TRIM2: variants seen among roughly 807,000 people sequenced by gnomAD.
TRIM2 encodes tripartite motif containing 2.
Under a neutral mutation model 75.2 loss-of-function variants are expected in TRIM2, and 20 were observed. That is an observed-to-expected ratio of 0.27 (90% confidence interval 0.19 to 0.39). The LOEUF (loss-of-function observed/expected upper bound fraction) is 0.39. TRIM2 is among the 10% of genes least tolerant of loss of function. TRIM2 has a pLI of 1.00. For synonymous variants in TRIM2, 373 were observed against 388.3 expected (o/e 0.96, Z 0.46); for missense variants, 660 against 990.8 (o/e 0.67, Z 4.48).
At chr4:153,204,621 T>C in intron 1 of TRIM2, 61 bp downstream of exon 1, 4 of 1,547,500 alleles carry the variant, frequency 2.6e-6, no homozygotes, top group Non-Finnish European at 3.5e-6. Context: ...AATCCGGGGC[T>C]GGGAGAAACA....
intron 1 of TRIM2, among the ~76,000 whole-genome samples, chr4:153,177,768 TCCC>T (rs1405252879): frequency 2.7e-5 from 4 of 150,820 alleles, no homozygotes; most frequent in South Asian, 2.1e-4. Context: ...CCTCCCATCC[TCCC>T]TCCTTCCTTC....
chr4:153,270,971 A>C (rs1756534360), intron 2 of TRIM2, among the ~76,000 whole-genome samples: 1 of 152,226 alleles, frequency 6.6e-6, no homozygotes, highest in African/African-American at 2.4e-5. Context: ...CTTCAGACAC[A>C]TACTAATGTC....
chr4:153,173,938 C>A (rs921323441), intron 1 of TRIM2, among the ~76,000 whole-genome samples: 2 of 151,998 alleles, frequency 1.3e-5, no homozygotes, highest in African/African-American at 4.8e-5. Flanking sequence ...GCAGTCTATC[C>A]TGGGTGACAA....
chr4:153,236,754 C>T (rs987067224), intron 1 of TRIM2, among the ~76,000 whole-genome samples: 8 of 151,896 alleles, frequency 5.3e-5, no homozygotes, highest in Admixed American at 5.3e-4. Flanking sequence ...TGCAGTGGTA[C>T]AATCACAGCT....
intron 6 of TRIM2, among the ~76,000 whole-genome samples, chr4:153,297,675 C>G (rs1251007207): frequency 2.6e-5 from 4 of 152,122 alleles, no homozygotes; most frequent in African/African-American, 9.7e-5. Flanking sequence ...CCAAGTGACC[C>G]CAGTCTACTC....
At chr4:153,172,512 T>C (rs1442195229) in intron 1 of TRIM2, among the ~76,000 whole-genome samples, 1 of 152,128 alleles carries the variant, frequency 6.6e-6, no homozygotes, top group Non-Finnish European at 1.5e-5. Flanking sequence ...TAACTGACTC[T>C]GGAAACACTT....
intron 9 of TRIM2, among the ~76,000 whole-genome samples, chr4:153,323,516 C>G (rs1769454904): frequency 1.3e-5 from 2 of 151,926 alleles, no homozygotes; most frequent in African/African-American, 4.9e-5. Flanking sequence ...GGGTCTCGCT[C>G]TGTCACCCAG....
chr4:153,310,584 T>C (rs1766057929), intron 6 of TRIM2, among the ~76,000 whole-genome samples: 1 of 152,202 alleles, frequency 6.6e-6, no homozygotes, highest in South Asian at 2.1e-4. Flanking sequence ...GCTAGTGGTG[T>C]CCTTTTAATC....
At chr4:153,274,840 G>C (rs1296907762) in intron 2 of TRIM2, among the ~76,000 whole-genome samples, 1 of 152,206 alleles carries the variant, frequency 6.6e-6, no homozygotes, top group African/African-American at 2.4e-5. Flanking sequence ...ACATCTGCTG[G>C]ATTCAGACGT....
intron 3 of TRIM2, among the ~76,000 whole-genome samples, chr4:153,288,815 A>G (rs1048814611): frequency 1.5e-4 from 23 of 151,420 alleles, no homozygotes; most frequent in Admixed American, 9.9e-4. Flanking sequence ...TATAATCTCA[A>G]TAGGCCCATC....
chr4:153,332,847 C>T (rs1290873070), intron 11 of TRIM2, among the ~76,000 whole-genome samples: 1 of 152,040 alleles, frequency 6.6e-6, no homozygotes, highest in Non-Finnish European at 1.5e-5. Context: ...GTAGAGAAAC[C>T]AGATCTCTCA....
intron 1 of TRIM2, among the ~76,000 whole-genome samples, chr4:153,228,046 C>T (rs370494518): frequency 7.2e-5 from 11 of 152,252 alleles, no homozygotes; most frequent in African/African-American, 2.2e-4. Flanking sequence ...ACCTCTTATG[C>T]GAAGTAAACA....
intron 3 of TRIM2, among the ~76,000 whole-genome samples, chr4:153,277,458 T>G (rs1758287075): frequency 6.6e-6 from 1 of 152,214 alleles, no homozygotes; most frequent in Admixed American, 6.5e-5. Context: ...GCTTTCCCTC[T>G]AGAATGTGAG....
intron 1 of TRIM2, among the ~76,000 whole-genome samples, chr4:153,184,755 G>A (rs1732421544): frequency 6.6e-6 from 1 of 152,172 alleles, no homozygotes; most frequent in South Asian, 2.1e-4. Flanking sequence ...CATCAATACT[G>A]CTGCTTTTAT....
intron 1 of TRIM2, among the ~76,000 whole-genome samples, chr4:153,252,302 C>G (rs28556577): frequency 4.6e-5 from 7 of 152,162 alleles, no homozygotes; most frequent in African/African-American, 1.2e-4. Flanking sequence ...ATTACTGTTC[C>G]TGTTCTTGCA....
intron 1 of TRIM2, among the ~76,000 whole-genome samples, chr4:153,156,005 G>A (rs1284327810): frequency 6.6e-6 from 1 of 152,238 alleles, no homozygotes; most frequent in African/African-American, 2.4e-5. Context: ...GCCAAGGGAA[G>A]CTGGAATTTT....
chr4:153,197,501 C>T (rs893056265), intron 1 of TRIM2, among the ~76,000 whole-genome samples: 4 of 152,142 alleles, frequency 2.6e-5, no homozygotes, highest in Admixed American at 2.6e-4. Context: ...ATCCCAGCCC[C>T]CAAGGTGATG....
intron 1 of TRIM2, among the ~76,000 whole-genome samples, chr4:153,194,467 A>G (rs1336394587): frequency 6.6e-6 from 1 of 152,218 alleles, no homozygotes; most frequent in East Asian, 1.9e-4. Context: ...GTGGAATGAA[A>G]GAAACCAAAC....
rs71598257 is a variant in TRIM2 at position 153,283,861 on chromosome 4, C to CTTTT, written c.453+7755_453+7758dup. Among the ~76,000 whole-genome samples the CTTTT allele has an allele frequency of 2.5e-3, 131 of 53,278 alleles. 17 individuals carry two copies. The highest frequency in any genetic ancestry group is 0.01 in the African/African-American group (120 of 11,752). 35.0% of individuals were successfully genotyped at this position (53,278 alleles called of 152,430 possible). A position where few individuals can be genotyped will look rare whatever the true frequency, so the allele number is the denominator to read the frequency against. ...TCATCTTGGCCAGGATGGCCTTGAT[C>CTTTT]TTTTTTTTTTTTTTTTTTTTTTTTT... On this transcript the variant is annotated intron_variant, in intron 3 of 11. Coordinates refer to ENST00000338700, the MANE Select transcript of TRIM2 (RefSeq NM_015271.5).
Sources: gnomAD v4.1 joint callset for allele counts (sites outside exome capture counted in the v4.1 genomes callset) on GRCh38, gnomAD v4.1.1 for gene constraint, MANE v1.5 for transcripts, NCBI Gene and HGNC (gene_info 2026-07-23, HGNC 2026-07-21) for gene names.